IZUMO1R: variants seen among roughly 807,000 people sequenced by gnomAD.
The protein encoded by IZUMO1R is IZUMO1 receptor, JUNO, also known as sperm-egg fusion protein Juno.
A neutral mutation model predicts 22.1 loss-of-function variants in IZUMO1R; 24 were observed. The ratio of observed to expected loss-of-function variants is 1.09; its 90% CI spans 0.79 to 1.53. The LOEUF (loss-of-function observed/expected upper bound fraction) is 1.53, where lower values mean the gene tolerates loss of function less well. Among genes scored for constraint, IZUMO1R ranks in the 40% most tolerant of loss-of-function variants. The pLI is 0.00. For synonymous variants in IZUMO1R, 133 were observed against 121.2 expected (o/e 1.10, Z -0.64); for missense variants, 308 against 314.9 (o/e 0.98, Z 0.17).
At position 94,307,569 on chromosome 11, in the gene IZUMO1R, G is replaced by T. The variant is rs750796493; in HGVS notation, c.630G>T (p.Trp210Cys). The T allele has an allele frequency of 6.2e-7, 1 of 1,613,804 alleles. No individual in the cohort carries two copies. Among genetic ancestry groups the T allele is most frequent in the Non-Finnish European group, 8.5e-7 (1 of 1,179,850 alleles). ...ACAGTGGGCGGTGTCTCCAGAAGTG[G>T]TTTGAGCCTGCTCAGGGCAACCCCA... ...RRNSGRCLQK[W>C]FEPAQGNPNV... Residue 210 changes from tryptophan (W) to cysteine (C), a missense_variant, in exon 5 of 5, where the codon TGG becomes TGT. Transcript: ENST00000687084.
Position 94,306,480 on chromosome 11 carries a change from G to C in IZUMO1R, c.139-33G>C, listed in dbSNP as rs374433485. The C allele has an allele frequency of 9.0e-4, 1,440 of 1,600,118 alleles. 3 individuals carry two copies. Among genetic ancestry groups the C allele is most frequent in the Non-Finnish European group, 1.1e-3 (1,314 of 1,167,678 alleles). On this transcript the variant is annotated intron_variant, in intron 2 of 4. Transcript: ENST00000687084. The stretch of plus-strand genomic sequence containing the variant: ...ACACTTGCCGATCCTTGCCCCTTTT[G>C]CCTGGGCCTTTTGTTTCTTCCTCTG...
chr11:94,305,540 A>G (rs529861446), intron 1 of IZUMO1R, 91 bp from the exon 2 acceptor site: 3 of 1,447,842 alleles, frequency 2.1e-6, no homozygotes, highest in East Asian at 4.6e-5. Context: ...GGGAGATTGA[A>G]GCCCATCCCC....
rs1311329854 is a variant in IZUMO1R, at chr11:94,307,457, T to TGACAGA, written c.518_519insGACAGA (p.Leu173_Pro174insThrAsp). The TGACAGA allele has an allele frequency of 6.2e-7, 1 of 1,613,912 alleles. No homozygotes were observed. ...CGCTGCCCCAAAGGGGCCCAGTGCC[T>TGACAGA]CCCTTTCTCCCATTACTTCCCCACC... On this transcript the variant is annotated inframe_insertion, in exon 5 of 5. Coordinates refer to ENST00000687084, the MANE Select transcript of IZUMO1R (RefSeq NM_001199206.4).
chr11:94,304,687 T>G lies in IZUMO1R; in HGVS notation c.-199T>G, dbSNP rs2134627123. 6.6e-6 allele frequency among the ~76,000 whole-genome samples: 1 copy of G among 152,178 alleles called. No individual in the cohort carries two copies. Among genetic ancestry groups the G allele is most frequent in the Non-Finnish European group, 1.5e-5 (1 of 67,994 alleles). ...TGTTTCTCTGAGGAAGCAAACTTCC[T>G]CGGAACCCACAGGCCTGCAGAGCTG... On this transcript the variant is annotated 5_prime_UTR_variant, in exon 1 of 5. Transcript: ENST00000687084.
intron 2 of IZUMO1R, among the ~76,000 whole-genome samples, chr11:94,306,303 G>A (rs1944018111): frequency 6.6e-6 from 1 of 152,070 alleles, no homozygotes; most frequent in Non-Finnish European, 1.5e-5. Flanking sequence ...AGCAGCCTGT[G>A]GCAGGGGGTC....
rs142119194 is a variant in IZUMO1R, at chr11:94,305,041, G to T, written c.-7+162G>T. 2.2e-4 allele frequency among the ~76,000 whole-genome samples: 33 copies of T among 152,278 alleles called. No individual in the cohort carries two copies. In the East Asian group the frequency reaches 6.0e-3, roughly 28 times the overall value. ...CTTGAGGTTGGGCTCTGAAGAGGGG[G>T]GCTGGGCTCTTCTTCCCCAGGATGT... On this transcript the variant is annotated intron_variant, in intron 1 of 4. Transcript: ENST00000687084.
At chr11:94,307,348 T>G (rs756739040) in intron 4 of IZUMO1R, 48 bp downstream of exon 4, 17 of 1,611,876 alleles carry the variant, frequency 1.1e-5, no homozygotes, top group Admixed American at 6.7e-5. Context: ...CCCTTGGTGG[T>G]CCCCACAAGG....
chr11:94,307,095 C>A, intron 3 of IZUMO1R, 70 bp from the exon 4 acceptor site: 1 of 1,512,778 alleles, frequency 6.6e-7, no homozygotes, highest in South Asian at 1.2e-5. Context: ...GTACAAATAC[C>A]ACTGTAGCTA....
chr11:94,305,582 G>A, intron 1 of IZUMO1R, 49 bp from the exon 2 acceptor site: 1 of 1,601,518 alleles, frequency 6.2e-7, no homozygotes, highest in Non-Finnish European at 8.5e-7. Context: ...TGAAGGGGGT[G>A]GAGTGGGGTG....
chr11:94,306,620 G>A lies in IZUMO1R; in HGVS notation c.246G>A (p.Leu82=), dbSNP rs1372694922. 1 of 1,613,988 alleles carries A rather than the reference G, an allele frequency of 6.2e-7. No homozygotes were observed. The highest frequency in any genetic ancestry group is 1.1e-5 in the South Asian group (1 of 91,082). The change falls in exon 3 of 5, where the codon CTG becomes CTA. Residue 82 remains leucine, a synonymous_variant. Coordinates refer to ENST00000687084, the MANE Select transcript of IZUMO1R (RefSeq NM_001199206.4). ...TCAGCCTGTTTCACTGTGGACTGCTGATGCCTGGCTGTCGGAAGCACTTCA... is the reference window on the plus strand; with the variant it reads ...TCAGCCTGTTTCACTGTGGACTGCTAATGCCTGGCTGTCGGAAGCACTTCA... ...YNFSLFHCGL[L]MPGCRKHFIQ...
At chr11:94,306,316 T>C (rs904868566) in intron 2 of IZUMO1R, among the ~76,000 whole-genome samples, 197 bp from the exon 3 acceptor site, 19 of 152,242 alleles carry the variant, frequency 1.2e-4, no homozygotes, top group Middle Eastern at 3.4e-3. Context: ...AGGGGGTCAT[T>C]GTGCAGGTGC....
chr11:94,306,430 T>C (rs749288737), intron 2 of IZUMO1R, 83 bp from the exon 3 acceptor site: 27 of 1,365,422 alleles, frequency 2.0e-5, no homozygotes, highest in Admixed American at 5.0e-5. Context: ...AGGGACATTT[T>C]CATTTCACCA....
intron 1 of IZUMO1R, 51 bp from the exon 2 acceptor site, chr11:94,305,580 G>C (rs1425136244): frequency 1.9e-6 from 3 of 1,600,140 alleles, no homozygotes; most frequent in Non-Finnish European, 2.6e-6. Context: ...GATGAAGGGG[G>C]TGGAGTGGGG....
rs201445396 is a variant in IZUMO1R at position 94,307,553 on chromosome 11, G to A, written c.614G>A (p.Arg205Gln). 49 of 1,613,586 alleles carry A rather than the reference G, an allele frequency of 3.0e-5. No homozygotes were observed. In the East Asian group the frequency reaches 3.8e-4, roughly 12 times the overall value. Residue 205 changes from arginine to glutamine, a missense_variant, in exon 5 of 5, where the codon CGG becomes CAG. Physicochemically the swap from Arg to Gln is conservative, Grantham distance 43. Transcript: ENST00000687084. ...AGCCCTGAGCGACGGAACAGTGGGC[G>A]GTGTCTCCAGAAGTGGTTTGAGCCT... ...KASPERRNSG[R>Q]CLQKWFEPAQ... is the part of the protein sequence containing the mutation.
chr11:94,305,864 C>T, intron 2 of IZUMO1R, 90 bp downstream of exon 2: 1 of 1,447,234 alleles, frequency 6.9e-7, no homozygotes, highest in Non-Finnish European at 9.4e-7. Flanking sequence ...CAACCCTGAT[C>T]ATTTGGTTCC....
Position 94,307,564 on chromosome 11 carries a change from A to G in IZUMO1R, c.625A>G (p.Lys209Glu). The change falls in exon 5 of 5, where the codon AAG becomes GAG. Residue 209 changes from lysine (K) to glutamate (E), a missense_variant. By Grantham distance (56) the Lys-to-Glu change is moderately conservative. Transcript: ENST00000687084. The stretch of plus-strand genomic sequence containing the variant: ...ACGGAACAGTGGGCGGTGTCTCCAG[A>G]AGTGGTTTGAGCCTGCTCAGGGCAA... Reference protein sequence around the residue: ...ERRNSGRCLQKWFEPAQGNPN... With the variant: ...ERRNSGRCLQEWFEPAQGNPN... 1 of 1,613,826 alleles carries G rather than the reference A, an allele frequency of 6.2e-7. No homozygotes were observed. Among genetic ancestry groups the G allele is most frequent in the Non-Finnish European group, 8.5e-7 (1 of 1,179,860 alleles).
At position 94,304,751 on chromosome 11, in the gene IZUMO1R, T is replaced by G. The variant is rs1591571651; in HGVS notation, c.-135T>G. On this transcript the variant is annotated 5_prime_UTR_variant, in exon 1 of 5. Transcript: ENST00000687084. ...CTGTTTAATGAGAGCCACGTGGAGTTCTCCTCCTGCACCTGGACCTAGTAG... is the reference window on the plus strand; with the variant it reads ...CTGTTTAATGAGAGCCACGTGGAGTGCTCCTCCTGCACCTGGACCTAGTAG... Among the ~76,000 whole-genome samples the G allele has an allele frequency of 6.6e-6, 1 of 151,978 alleles. No individual in the cohort carries two copies. The highest frequency in any genetic ancestry group is 6.5e-5 in the Admixed American group (1 of 15,276).
chr11:94,306,425 C>A, intron 2 of IZUMO1R, 88 bp from the exon 3 acceptor site: 1 of 1,283,390 alleles, frequency 7.8e-7, no homozygotes, highest in Non-Finnish European at 1.1e-6. Context: ...TCCTAAGGGA[C>A]ATTTTCATTT....
At chr11:94,305,830 G>C in intron 2 of IZUMO1R, 56 bp downstream of exon 2, 1 of 1,587,144 alleles carries the variant, frequency 6.3e-7, no homozygotes, top group Non-Finnish European at 8.6e-7. Context: ...GGACACAAAT[G>C]CCAAGATGGT....
Sources: allele counts gnomAD v4.1 joint callset (sites outside exome capture counted in the v4.1 genomes callset), GRCh38; gene constraint gnomAD v4.1.1; transcripts MANE v1.5; gene names NCBI Gene and HGNC (gene_info 2026-07-23, HGNC 2026-07-21).